The following RIBC2 variants were observed in gnomAD, a reference collection of about 807,000 sequenced individuals.
The protein encoded by RIBC2 is RIB43A-like with coiled-coils protein 2.
In RIBC2, 40 loss-of-function variants were observed where a neutral mutation model predicts 44.3. That is an observed-to-expected ratio of 0.90 (90% CI 0.70 to 1.18). The LOEUF is 1.18. Among genes scored for constraint, RIBC2 ranks in the 50% most tolerant of loss-of-function variants. The pLI, the probability that RIBC2 is intolerant of heterozygous loss-of-function variation, is 0.00. For synonymous variants in RIBC2, 171 were observed against 175.0 expected (o/e 0.98, Z 0.18); for missense variants, 459 against 485.5 (o/e 0.95, Z 0.51).
At chr22:45,428,450 T>C (rs1325365557) in intron 5 of RIBC2, among the ~76,000 whole-genome samples, 1 of 152,100 alleles carries the variant, frequency 6.6e-6, no homozygotes, top group East Asian at 1.9e-4. Context: ...GGGAAATTGA[T>C]GCCAGAGGAG....
intron 6 of RIBC2, 51 bp downstream of exon 6, chr22:45,431,117 G>A (rs769509020): frequency 1.0e-5 from 16 of 1,544,678 alleles, no homozygotes; most frequent in East Asian, 7.3e-5. Flanking sequence ...TGGAGGGACC[G>A]CGGGGCTGTG....
intron 4 of RIBC2, among the ~76,000 whole-genome samples, chr22:45,425,709 T>C (rs539577385): frequency 1.7e-3 from 264 of 152,252 alleles, no homozygotes; most frequent in Non-Finnish European, 3.3e-3. Context: ...GGAGCTCTTA[T>C]GCATACACCC....
intron 4 of RIBC2, 125 bp from the exon 5 acceptor site, chr22:45,425,823 A>G: frequency 5.1e-6 from 4 of 785,692 alleles, no homozygotes; most frequent in East Asian, 5.4e-5. Flanking sequence ...TCTCCCCTCC[A>G]CCCGACTCCT....
At chr22:45,429,206 CTG>C (rs931765475) in intron 5 of RIBC2, among the ~76,000 whole-genome samples, 1 of 152,168 alleles carries the variant, frequency 6.6e-6, no homozygotes, top group Non-Finnish European at 1.5e-5. Flanking sequence ...GGCCTGCAGT[CTG>C]TGGTTTCGAA....
At chr22:45,415,843 G>A (rs1288505586) in intron 2 of RIBC2, among the ~76,000 whole-genome samples, 1 of 152,126 alleles carries the variant, frequency 6.6e-6, no homozygotes, top group African/African-American at 2.4e-5. Flanking sequence ...GGGATTACAG[G>A]TGCACACCAC....
In RIBC2 at chr22:45,421,553, A is replaced by G. The variant is rs1367691134; in HGVS notation, c.557-737A>G. Among the ~76,000 whole-genome samples, 13 of 35,020 alleles carry G rather than the reference A, an allele frequency of 3.7e-4. No homozygotes were observed. The African/African-American group carries it at 4.0e-3, about 11-fold the overall frequency. 23.0% of individuals were successfully genotyped at this position (35,020 alleles called of 152,430 possible). ...AGTATTATTAATAATATTAATAATA[A>G]TAATAGTATTATTAATAATAGTATT... is the stretch of plus-strand genomic sequence containing the variant. On this transcript the variant is annotated intron_variant, in intron 3 of 6. Coordinates refer to ENST00000614167, the MANE Select transcript of RIBC2 (RefSeq NM_015653.5).
At chr22:45,423,945 A>G (rs1271304448) in intron 4 of RIBC2, among the ~76,000 whole-genome samples, 6 of 152,202 alleles carry the variant, frequency 3.9e-5, no homozygotes, top group Admixed American at 2.6e-4. Flanking sequence ...GGTGATGATG[A>G]TGATGATAAT....
chr22:45,421,550 A>ATAATAGTAGTATTAT (rs1555938347), intron 3 of RIBC2, among the ~76,000 whole-genome samples: 2 of 31,244 alleles, frequency 6.4e-5, no homozygotes, highest in Admixed American at 3.2e-4. Flanking sequence ...AATATTAATA[A>ATAATAGTAGTATTAT]TAATAATAGT....
At chr22:45,419,842 C>T (rs904313602) in intron 3 of RIBC2, among the ~76,000 whole-genome samples, 13 of 151,582 alleles carry the variant, frequency 8.6e-5, no homozygotes, top group African/African-American at 3.2e-4. Flanking sequence ...CTGGCTAACA[C>T]GGTGAAACCC....
At chr22:45,426,886 G>T (rs1468340363) in intron 5 of RIBC2, among the ~76,000 whole-genome samples, 14 of 152,084 alleles carry the variant, frequency 9.2e-5, no homozygotes, top group Non-Finnish European at 1.8e-4. Flanking sequence ...TGTTTTGAAG[G>T]TAGAGTCGAC....
chr22:45,426,403 A>G (rs546832168), intron 5 of RIBC2, among the ~76,000 whole-genome samples: 8 of 152,248 alleles, frequency 5.3e-5, no homozygotes, highest in Admixed American at 1.3e-4. Flanking sequence ...ATGGGAAGAC[A>G]TTGAAGCAAA....
chr22:45,424,761 T>C (rs1233132122), intron 4 of RIBC2, among the ~76,000 whole-genome samples: 1 of 149,412 alleles, frequency 6.7e-6, no homozygotes, highest in Non-Finnish European at 1.5e-5. Flanking sequence ...TTCTTTTTTT[T>C]TTTTTTTTTT....
chr22:45,430,441 G>A (rs1361378298), intron 5 of RIBC2, among the ~76,000 whole-genome samples: 1 of 152,172 alleles, frequency 6.6e-6, no homozygotes, highest in Non-Finnish European at 1.5e-5. Flanking sequence ...GTCACCGGGT[G>A]AGGCTGTGGT....
chr22:45,418,906 A>G (rs1602112825), intron 3 of RIBC2, among the ~76,000 whole-genome samples: 1 of 151,986 alleles, frequency 6.6e-6, no homozygotes, highest in Admixed American at 6.6e-5. Context: ...AGTGACCTCC[A>G]TGTCGCCCAA....
rs2087388028 is a variant in RIBC2, at chr22:45,413,839, C to T, written c.-48C>T. On this transcript the variant is annotated 5_prime_UTR_variant, in exon 1 of 7. Transcript: ENST00000614167. ...TGCGCTACAGCTTCCTTATTTTCGTCGCCTGTTCTCCTGATCCTGCGTGTT... is the reference window on the plus strand; with the variant it reads ...TGCGCTACAGCTTCCTTATTTTCGTTGCCTGTTCTCCTGATCCTGCGTGTT... 39 of 1,502,978 alleles carry T rather than the reference C, an allele frequency of 2.6e-5. 1 individual carries two copies. In the South Asian group the frequency reaches 4.9e-4, roughly 19 times the overall value. 93.1% of individuals were successfully genotyped at this position (1,502,978 alleles called of 1,614,324 possible).
In RIBC2 at chr22:45,426,124, G is replaced by A; in HGVS notation, c.852G>A (p.Glu284=). The A allele has an allele frequency of 6.2e-7, 1 of 1,614,020 alleles. No individual in the cohort carries two copies. Among genetic ancestry groups the A allele is most frequent in the Non-Finnish European group, 8.5e-7 (1 of 1,180,034 alleles). The part of the protein sequence containing the change: ...VPDRWKGMTQ[E]QLEQIRLVQK... ...ACCGCTGGAAGGGCATGACCCAGGA[G>A]CAGCTGGAGCAGATCCGCCTAGTCC... Residue 284 remains glutamate (E), a synonymous_variant, in exon 5 of 7, where the codon GAG becomes GAA. Coordinates refer to ENST00000614167, the MANE Select transcript of RIBC2 (RefSeq NM_015653.5).
intron 4 of RIBC2, among the ~76,000 whole-genome samples, chr22:45,422,723 G>A (rs934758387): frequency 6.6e-6 from 1 of 152,088 alleles, no homozygotes. Flanking sequence ...GACTGTTACC[G>A]CCTAGCTCTG....
intron 6 of RIBC2, 52 bp downstream of exon 6, chr22:45,431,118 C>T (rs1370948180): frequency 2.9e-5 from 44 of 1,543,808 alleles, no homozygotes; most frequent in Non-Finnish European, 3.6e-5. Context: ...GGAGGGACCG[C>T]GGGGCTGTGG....
Position 45,430,947 on chromosome 22 carries a change from G to C in RIBC2, c.951G>C (p.Arg317=). The change falls in exon 6 of 7, where the codon CGG becomes CGC. Residue 317 remains arginine (R), a synonymous_variant. Transcript: ENST00000614167. The stretch of plus-strand genomic sequence containing the variant: ...AGCGAGACCTGGACTGGGACCGGCG[G>C]AGGATTCAGGGGGCTCGCGCCACCC... ...KRQRDLDWDR[R]RIQGARATLL... 1 of 1,610,768 alleles carries C rather than the reference G, an allele frequency of 6.2e-7. No individual in the cohort carries two copies. Among genetic ancestry groups the C allele is most frequent in the Non-Finnish European group, 8.5e-7 (1 of 1,178,424 alleles).
Sources: gnomAD v4.1 joint callset for allele counts (sites outside exome capture counted in the v4.1 genomes callset) on GRCh38, gnomAD v4.1.1 for gene constraint, MANE v1.5 for transcripts, NCBI Gene and HGNC (gene_info 2026-07-23, HGNC 2026-07-21) for gene names.